TOX2: variants seen among roughly 807,000 people sequenced by gnomAD.
TOX2 encodes TOX high mobility group box family member 2.
A neutral mutation model predicts 47.4 loss-of-function variants in TOX2; 15 were observed. The observed-to-expected ratio is 0.32, with a 90% CI of 0.21 to 0.49. TOX2 has a LOEUF of 0.49. Among genes scored for constraint, TOX2 ranks in the 20% least tolerant of loss-of-function variants. TOX2 has a pLI of 0.99. For missense variants in TOX2, 622 were observed against 673.1 expected (o/e 0.92, Z 0.84); for synonymous variants, 290 against 296.6 (o/e 0.98, Z 0.23).
At chr20:43,952,594 AC>A (rs113448751) in intron 1 of TOX2, among the ~76,000 whole-genome samples, 3 of 152,090 alleles carry the variant, frequency 2.0e-5, no homozygotes, top group African/African-American at 7.2e-5. Flanking sequence ...CCCAGAGGAG[AC>A]CCACGTTGTT....
chr20:43,981,244 A>T (rs1038256168), intron 2 of TOX2, among the ~76,000 whole-genome samples: 7 of 152,214 alleles, frequency 4.6e-5, no homozygotes, highest in African/African-American at 1.7e-4. Context: ...ACATCTATCA[A>T]AATTGCAAAT....
chr20:44,021,982 C>G (rs766535195), intron 3 of TOX2, among the ~76,000 whole-genome samples: 10 of 152,134 alleles, frequency 6.6e-5, no homozygotes, highest in Non-Finnish European at 1.2e-4. Flanking sequence ...TTCCCATAAC[C>G]CACTGCAAAA....
chr20:43,951,813 G>A (rs2069579125), intron 1 of TOX2, among the ~76,000 whole-genome samples: 2 of 147,084 alleles, frequency 1.4e-5, no homozygotes. Flanking sequence ...CTGGGCTCAA[G>A]CACTCCTCCC....
intron 3 of TOX2, among the ~76,000 whole-genome samples, chr20:44,019,925 A>G (rs151078935): frequency 8.9e-4 from 135 of 152,300 alleles, no homozygotes; most frequent in African/African-American, 3.2e-3. Flanking sequence ...AAAGCATTTC[A>G]TGAATGAGCT....
chr20:44,068,604 C>T (rs554992656), intron 8 of TOX2, 46 bp from the exon 9 acceptor site: 39 of 1,587,970 alleles, frequency 2.5e-5, no homozygotes, highest in South Asian at 5.7e-5. Flanking sequence ...TCCCCTGGCC[C>T]GGAGAGGTAC....
rs1448583898 is a variant in TOX2, at chr20:43,951,714, T to TTA, written c.100-21652_100-21651insAT. 1.2e-4 allele frequency among the ~76,000 whole-genome samples: 15 copies of TTA among 122,096 alleles called. 2 individuals carry two copies. In the East Asian group the frequency reaches 3.7e-3, roughly 30 times the overall value. The allele number at this position is 122,096 out of a possible 152,430, so 80.1% of individuals were successfully genotyped here. A position where few individuals can be genotyped will look rare whatever the true frequency, so the allele number is the denominator to read the frequency against. ...TACTATTAAACTTATTATGTTTTTT[T>TTA]TTTTTTTTTTTTTTAGAGAAAGGGT... On this transcript the variant is annotated intron_variant, in intron 1 of 8. Coordinates refer to ENST00000341197, the MANE Select transcript of TOX2 (RefSeq NM_001098797.2).
At chr20:44,031,287 A>G (rs1232105543) in intron 3 of TOX2, among the ~76,000 whole-genome samples, 1 of 152,156 alleles carries the variant, frequency 6.6e-6, no homozygotes, top group Non-Finnish European at 1.5e-5. Context: ...ATAAAATAGT[A>G]CTGCGCTGGA....
intron 1 of TOX2, among the ~76,000 whole-genome samples, chr20:43,922,313 A>G (rs905943896): frequency 2.0e-5 from 3 of 152,222 alleles, no homozygotes; most frequent in East Asian, 1.9e-4. Context: ...TACCTAGTAG[A>G]TGCCAAGAGC....
At chr20:43,974,854 C>T (rs2070047982) in intron 2 of TOX2, among the ~76,000 whole-genome samples, 1 of 152,222 alleles carries the variant, frequency 6.6e-6, no homozygotes. Context: ...ATCGCTCATG[C>T]CGGGGCCACC....
chr20:43,934,167 G>GAGAGAGAGAGAGAGAGAGAGAGAGA (rs1325521677), intron 1 of TOX2, among the ~76,000 whole-genome samples: 74 of 149,870 alleles, frequency 4.9e-4, no homozygotes, highest in African/African-American at 1.8e-3. Flanking sequence ...GAGAGAGAGA[G>GAGAGAGAGAGAGAGAGAGAGAGAGA]ACCTGCCCTC....
chr20:44,050,755 C>T (rs2071494373), intron 3 of TOX2, among the ~76,000 whole-genome samples: 1 of 119,038 alleles, frequency 8.4e-6, no homozygotes, highest in Admixed American at 8.8e-5. Flanking sequence ...TACTGTATGC[C>T]AGGTACATTT....
chr20:43,993,715 T>G (rs1196585876), intron 2 of TOX2, among the ~76,000 whole-genome samples: 1 of 152,202 alleles, frequency 6.6e-6, no homozygotes, highest in East Asian at 1.9e-4. Flanking sequence ...GCTATAGCAA[T>G]AGAGTTGAAT....
At chr20:43,966,087 C>T (rs917793512) in intron 1 of TOX2, among the ~76,000 whole-genome samples, 7 of 152,154 alleles carry the variant, frequency 4.6e-5, no homozygotes, top group South Asian at 4.1e-4. Flanking sequence ...ATAATGCTAA[C>T]TCATAGCTGA....
At chr20:43,954,811 G>GA (rs2069639141) in intron 1 of TOX2, among the ~76,000 whole-genome samples, 1 of 152,218 alleles carries the variant, frequency 6.6e-6, no homozygotes, top group South Asian at 2.1e-4. Context: ...AGAGACGTCA[G>GA]ACCTGGGTTT....
At chr20:43,997,721 T>C (rs2070504488) in intron 2 of TOX2, among the ~76,000 whole-genome samples, 3 of 152,238 alleles carry the variant, frequency 2.0e-5, no homozygotes, top group African/African-American at 4.8e-5. Flanking sequence ...GAGTTTGTCT[T>C]TCTTGTCTTC....
At chr20:44,053,581 ATAC>A (rs1332368753) in intron 4 of TOX2, among the ~76,000 whole-genome samples, 2 of 136,378 alleles carry the variant, frequency 1.5e-5, no homozygotes, top group African/African-American at 5.4e-5. Flanking sequence ...ACACATATAT[ATAC>A]TATATATACA....
intron 1 of TOX2, among the ~76,000 whole-genome samples, chr20:43,951,707 GTTTTTTTT>G (rs59829203): frequency 3.6e-5 from 2 of 55,100 alleles, no homozygotes; most frequent in Non-Finnish European, 7.8e-5. Context: ...AACTTATTAT[GTTTTTTTT>G]TTTTTTTTTT....
intron 2 of TOX2, among the ~76,000 whole-genome samples, chr20:43,981,288 G>A (rs2070165052): frequency 6.6e-6 from 1 of 151,912 alleles, no homozygotes; most frequent in Non-Finnish European, 1.5e-5. Context: ...TCGTTTTTTT[G>A]GAAATATGCC....
Position 43,926,407 on chromosome 20 carries a change from G to T in TOX2, c.99+11417G>T, listed in dbSNP as rs140038053. On this transcript the variant is annotated intron_variant, in intron 1 of 8. Coordinates refer to ENST00000341197, the MANE Select transcript of TOX2 (RefSeq NM_001098797.2). ...GTTCGTATCCTGACACTTATAAGCT[G>T]TATGACTTTGGACCTGTCACTTAGC... is the stretch of plus-strand genomic sequence containing the variant. 8.7e-4 allele frequency among the ~76,000 whole-genome samples: 133 copies of T among 152,278 alleles called. 2 individuals carry two copies. Among genetic ancestry groups the T allele is most frequent in the Admixed American group, 7.4e-3 (113 of 15,302 alleles).
Sources: allele counts gnomAD v4.1 joint callset (sites outside exome capture counted in the v4.1 genomes callset), GRCh38; gene constraint gnomAD v4.1.1; transcripts MANE v1.5; gene names NCBI Gene and HGNC (gene_info 2026-07-23, HGNC 2026-07-21).